ATP2B2: variants seen among roughly 807,000 people sequenced by gnomAD.
ATP2B2 encodes the protein plasma membrane calcium-transporting ATPase 2.
ATP2B2 carries 15 observed loss-of-function variants against 120.0 expected under a neutral mutation model. The ratio of observed to expected loss-of-function variants is 0.12; its 90% CI spans 0.08 to 0.19. ATP2B2 has a LOEUF of 0.19. Among genes scored for constraint, ATP2B2 ranks in the 10% least tolerant of loss-of-function variants. The pLI is 1.00. For synonymous variants in ATP2B2, 694 were observed against 700.3 expected (o/e 0.99, Z 0.14); for missense variants, 1,045 against 1,719.8 (o/e 0.61, Z 6.94).
chr3:10,577,402 C>T (rs1468151168), intron 2 of ATP2B2, among the ~76,000 whole-genome samples: 1 of 152,104 alleles, frequency 6.6e-6, no homozygotes, highest in African/African-American at 2.4e-5. Context: ...CCAGTGTCAC[C>T]CGGCAAGACA....
chr3:10,578,997 AAC>A (rs1407009876), intron 2 of ATP2B2, among the ~76,000 whole-genome samples: 3 of 152,188 alleles, frequency 2.0e-5, no homozygotes, highest in African/African-American at 7.2e-5. Context: ...TGCATGTAGA[AAC>A]AGAGGTAAAA....
intron 2 of ATP2B2, among the ~76,000 whole-genome samples, chr3:10,558,917 T>A (rs2067840266): frequency 6.6e-6 from 1 of 152,166 alleles, no homozygotes; most frequent in Non-Finnish European, 1.5e-5. Flanking sequence ...CCCTGCACCC[T>A]CCAGGAGTGA....
chr3:10,404,813 C>T (rs2062355095), intron 3 of ATP2B2, among the ~76,000 whole-genome samples: 3 of 152,118 alleles, frequency 2.0e-5, no homozygotes, highest in Non-Finnish European at 2.9e-5. Context: ...TATATGGAAA[C>T]GCATTTTCTT....
At chr3:10,512,295 T>C (rs1400219643) in intron 3 of ATP2B2, among the ~76,000 whole-genome samples, 5 of 152,146 alleles carry the variant, frequency 3.3e-5, no homozygotes, top group African/African-American at 1.2e-4. Context: ...CAGGCCTAAC[T>C]GCTGACTCAC....
intron 1 of ATP2B2, among the ~76,000 whole-genome samples, chr3:10,465,923 G>A (rs944597148): frequency 2.0e-5 from 3 of 152,182 alleles, no homozygotes; most frequent in African/African-American, 4.8e-5. Flanking sequence ...TGATGGTACC[G>A]CAGGAAGAAG....
At chr3:10,594,711 TATAATAATAATA>T (rs147616326) in intron 2 of ATP2B2, among the ~76,000 whole-genome samples, 24 of 149,566 alleles carry the variant, frequency 1.6e-4, no homozygotes, top group South Asian at 1.3e-3. Flanking sequence ...GAACTTAAAG[TATAATAATAATA>T]ATAATAATAA....
At chr3:10,352,960 C>T (rs7633726) in intron 14 of ATP2B2, among the ~76,000 whole-genome samples, 1,777 of 152,292 alleles carry the variant, frequency 0.012, 35 homozygotes, top group African/African-American at 0.04. Context: ...GACCCTCTGC[C>T]CATTCCCTAG....
intron 8 of ATP2B2, among the ~76,000 whole-genome samples, chr3:10,382,649 G>A (rs978841698): frequency 1.3e-5 from 2 of 151,822 alleles, no homozygotes; most frequent in Non-Finnish European, 2.9e-5. Context: ...GAGTCATTGC[G>A]CCCGGCCTCA....
intron 1 of ATP2B2, among the ~76,000 whole-genome samples, chr3:10,640,329 G>A (rs1040914193): frequency 6.6e-6 from 1 of 152,218 alleles, no homozygotes; most frequent in Non-Finnish European, 1.5e-5. Flanking sequence ...ACAGACACAA[G>A]TGGTCCAAAG....
At chr3:10,603,111 C>T (rs1412136575) in intron 2 of ATP2B2, among the ~76,000 whole-genome samples, 1 of 152,218 alleles carries the variant, frequency 6.6e-6, no homozygotes, top group Non-Finnish European at 1.5e-5. Flanking sequence ...ACTCAGACCC[C>T]GCATCCAGCC....
In ATP2B2 at chr3:10,347,799, C is replaced by T. The variant is rs1276093621; in HGVS notation, c.2405-1662G>A. 6.6e-6 allele frequency among the ~76,000 whole-genome samples: 1 copy of T among 152,176 alleles called. No homozygotes were observed. Among genetic ancestry groups the T allele is most frequent in the Non-Finnish European group, 1.5e-5 (1 of 68,024 alleles). ...AGCTGGGAGGAAACCTCTCCCTAGACGCCTCCCTGCCTCCAGTCCTGGGGT... is the reference window on the plus strand; with the variant it reads ...AGCTGGGAGGAAACCTCTCCCTAGATGCCTCCCTGCCTCCAGTCCTGGGGT... On this transcript the variant is annotated intron_variant, in intron 16 of 22. Coordinates refer to ENST00000360273, the MANE Select transcript of ATP2B2 (RefSeq NM_001001331.4). The surrounding 1 kb of genome is among the most constrained non-coding windows in gnomAD (Gnocchi z 5.2).
chr3:10,386,643 G>A, intron 6 of ATP2B2, 131 bp from the exon 7 acceptor site: 1 of 1,026,624 alleles, frequency 9.7e-7, no homozygotes, highest in Non-Finnish European at 1.5e-6. Flanking sequence ...ATCCTGAAAT[G>A]GGGACATGTG....
chr3:10,404,601 T>C (rs569362092), intron 3 of ATP2B2, among the ~76,000 whole-genome samples: 1 of 152,356 alleles, frequency 6.6e-6, no homozygotes, highest in Admixed American at 6.5e-5. Context: ...TGGGTGAGCA[T>C]TATTGCATTC....
rs564518248 is a variant in ATP2B2, at chr3:10,697,648, G to A, written c.-460+10267C>T. Among the ~76,000 whole-genome samples the A allele has an allele frequency of 2.6e-5, 4 of 152,302 alleles. No individual in the cohort carries two copies. The East Asian group carries it at 7.7e-4, about 29-fold the overall frequency. ...CATGGCACATACAGTCTGCCTTAGA[G>A]GCCAGGCCTCAAGTCCAAATTTTTC... On this transcript the variant is annotated intron_variant, in intron 1 of 21. Coordinates refer to the ATP2B2 transcript ENST00000646379.
rs368275111 is a variant in ATP2B2, at chr3:10,599,880, G to A, written c.-415+20037C>T. 1.5e-3 allele frequency among the ~76,000 whole-genome samples: 222 copies of A among 152,310 alleles called. 1 individual carries two copies. Among genetic ancestry groups the A allele is most frequent in the Admixed American group, 9.3e-3 (143 of 15,302 alleles). ...TTTTGATGGAGGAGGAACGTAGTAC[G>A]TGGGGTGGAAGGCGATTACCTGGAT... On this transcript the variant is annotated intron_variant, in intron 2 of 21. Transcript: ENST00000646379.
Position 10,342,715 on chromosome 3 carries a change from C to T in ATP2B2, c.2917+37G>A, listed in dbSNP as rs1434440189. On this transcript the variant is annotated intron_variant, in intron 19 of 22. Coordinates refer to ENST00000360273, the MANE Select transcript of ATP2B2 (RefSeq NM_001001331.4). This position sits in a 1 kb window ranked among gnomAD's most constrained non-coding sequence, Gnocchi z 4.4. Reference sequence around the variant, plus strand: ...CATGGTGCACCCAGAAGGTGATGACCCCGCCTGGGAGAGGCGTGGGTGGGC... The same window carrying T: ...CATGGTGCACCCAGAAGGTGATGACTCCGCCTGGGAGAGGCGTGGGTGGGC... 6 of 1,609,460 alleles carry T rather than the reference C, an allele frequency of 3.7e-6. No individual in the cohort carries two copies. The highest frequency in any genetic ancestry group is 4.3e-6 in the Non-Finnish European group (5 of 1,176,372).
At chr3:10,512,321 G>C (rs1423981849) in intron 3 of ATP2B2, among the ~76,000 whole-genome samples, 1 of 152,130 alleles carries the variant, frequency 6.6e-6, no homozygotes, top group Non-Finnish European at 1.5e-5. Context: ...GGCCAACACT[G>C]CTGGGAATAT....
At chr3:10,624,301 C>G (rs995222795) in intron 1 of ATP2B2, among the ~76,000 whole-genome samples, 1 of 152,188 alleles carries the variant, frequency 6.6e-6, no homozygotes, top group Non-Finnish European at 1.5e-5. Flanking sequence ...AATTTCACCC[C>G]CTCAGTAACT....
At chr3:10,522,105 G>A (rs2125456627) in intron 3 of ATP2B2, among the ~76,000 whole-genome samples, 1 of 152,282 alleles carries the variant, frequency 6.6e-6, no homozygotes, top group East Asian at 1.9e-4. Context: ...GAAAATGAAT[G>A]TAAATTTTTA....
Sources: allele counts gnomAD v4.1 joint callset (sites outside exome capture counted in the v4.1 genomes callset), GRCh38; gene constraint gnomAD v4.1.1; non-coding constraint Gnocchi (gnomAD v3.1); transcripts MANE v1.5; gene names NCBI Gene and HGNC (gene_info 2026-07-23, HGNC 2026-07-21).